The following PTGIS variants were observed in gnomAD, a reference collection of about 807,000 sequenced individuals.
PTGIS encodes prostacyclin synthase.
Under a neutral mutation model 50.3 loss-of-function variants are expected in PTGIS, and 45 were observed. That is an observed-to-expected ratio of 0.90 (90% CI 0.70 to 1.15). The LOEUF (loss-of-function observed/expected upper bound fraction) is 1.15. PTGIS is among the 50% of genes most tolerant of loss of function. The pLI is 0.00. For missense variants in PTGIS, 668 were observed against 661.3 expected (o/e 1.01, Z -0.11); for synonymous variants, 260 against 267.7 (o/e 0.97, Z 0.28).
At chr20:49,566,087 G>A (rs187404819) in intron 1 of PTGIS, among the ~76,000 whole-genome samples, 3 of 152,210 alleles carry the variant, frequency 2.0e-5, no homozygotes, top group Non-Finnish European at 4.4e-5. Context: ...AAAATTAGCT[G>A]GGCATGGTGG....
intron 2 of PTGIS, 71 bp downstream of exon 2, chr20:49,549,995 G>T: frequency 6.2e-7 from 1 of 1,607,864 alleles, no homozygotes; most frequent in Non-Finnish European, 8.5e-7. Flanking sequence ...TATGTTGAAG[G>T]AATCAACAGA....
intron 4 of PTGIS, among the ~76,000 whole-genome samples, chr20:49,541,483 G>A (rs936815340): frequency 2.0e-5 from 3 of 152,266 alleles, no homozygotes; most frequent in African/African-American, 7.2e-5. Flanking sequence ...TGTAATCCTA[G>A]CACTTTGGGA....
chr20:49,523,977 A>T, intron 6 of PTGIS, 81 bp downstream of exon 6: 1 of 1,536,366 alleles, frequency 6.5e-7, no homozygotes, highest in Non-Finnish European at 8.9e-7. Flanking sequence ...GCACAGGTGC[A>T]CAGACATGCA....
intron 6 of PTGIS, among the ~76,000 whole-genome samples, chr20:49,523,172 G>C (rs2122853684): frequency 6.6e-6 from 1 of 152,314 alleles, no homozygotes; most frequent in South Asian, 2.1e-4. Flanking sequence ...TTGTTTATTA[G>C]ATAATGATCA....
chr20:49,550,313 C>T, intron 1 of PTGIS, 124 bp from the exon 2 acceptor site: 1 of 1,269,466 alleles, frequency 7.9e-7, no homozygotes, highest in Non-Finnish European at 1.1e-6. Flanking sequence ...CACTCGGGGA[C>T]TATTGCCTCA....
chr20:49,524,818 A>G lies in PTGIS; in HGVS notation c.674-579T>C, dbSNP rs145629477. On this transcript the variant is annotated intron_variant, in intron 5 of 9. Coordinates refer to ENST00000244043, the MANE Select transcript of PTGIS (RefSeq NM_000961.4). ...ACTACAAGGAGAACAGTATGGGGGA[A>G]ACCACCCCCATGATTCAGTTATCTC... Among the ~76,000 whole-genome samples the G allele has an allele frequency of 5.9e-3, 896 of 152,288 alleles. 8 individuals carry two copies. Among genetic ancestry groups the G allele is most frequent in the African/African-American group, 0.02 (845 of 41,554 alleles).
At chr20:49,550,649 T>C (rs1469636469) in intron 1 of PTGIS, among the ~76,000 whole-genome samples, 8 of 152,214 alleles carry the variant, frequency 5.3e-5, no homozygotes, top group African/African-American at 1.4e-4. Flanking sequence ...TCTGTCTTCA[T>C]TGGTCAAACC....
At chr20:49,565,196 T>C (rs1030895699) in intron 1 of PTGIS, among the ~76,000 whole-genome samples, 4 of 151,824 alleles carry the variant, frequency 2.6e-5, no homozygotes, top group African/African-American at 9.7e-5. Flanking sequence ...TTAGCCAGAA[T>C]GGTCTCGATC....
intron 5 of PTGIS, among the ~76,000 whole-genome samples, chr20:49,536,981 G>A (rs918374992): frequency 3.9e-5 from 6 of 152,180 alleles, no homozygotes; most frequent in Non-Finnish European, 8.8e-5. Flanking sequence ...TCCCTCCAGA[G>A]AAAGGAACTG....
At chr20:49,518,357 A>C (rs1349307251) in intron 6 of PTGIS, among the ~76,000 whole-genome samples, 1 of 152,240 alleles carries the variant, frequency 6.6e-6, no homozygotes, top group African/African-American at 2.4e-5. Context: ...TGTGAACCTA[A>C]ATCTGCTGTA....
At chr20:49,534,497 T>C (rs1364312527) in intron 5 of PTGIS, among the ~76,000 whole-genome samples, 1 of 152,126 alleles carries the variant, frequency 6.6e-6, no homozygotes, top group Non-Finnish European at 1.5e-5. Context: ...GGGGAGTTCC[T>C]CTGCGTCTAA....
chr20:49,567,181 A>G (rs771516243), intron 1 of PTGIS, among the ~76,000 whole-genome samples: 5 of 152,206 alleles, frequency 3.3e-5, no homozygotes, highest in Non-Finnish European at 7.3e-5. Context: ...AGTCGAATGT[A>G]TTCAGCTATT....
chr20:49,507,409 G>T lies in PTGIS; in HGVS notation c.*511C>A, dbSNP rs1161276856. ...GGCCCCAGGGAAGCAGATCTTCTAA[G>T]GGACTCCTTTGGTTTTAGCTAGTTT... On this transcript the variant is annotated 3_prime_UTR_variant, in exon 10 of 10. Transcript: ENST00000244043. 1 of 214,630 alleles carries T rather than the reference G, an allele frequency of 4.7e-6. No individual in the cohort carries two copies. The highest frequency in any genetic ancestry group is 9.4e-6 in the Non-Finnish European group (1 of 106,050). 13.3% of individuals were successfully genotyped at this position (214,630 alleles called of 1,614,324 possible). A position where few individuals can be genotyped will look rare whatever the true frequency, so the allele number is the denominator to read the frequency against.
intron 1 of PTGIS, among the ~76,000 whole-genome samples, chr20:49,566,806 G>A (rs139312473): frequency 1.9e-4 from 29 of 152,256 alleles, no homozygotes; most frequent in African/African-American, 6.3e-4. Flanking sequence ...ACTTGGGGCC[G>A]GATCCTGGAA....
intron 5 of PTGIS, among the ~76,000 whole-genome samples, chr20:49,537,496 T>C (rs1982109777): frequency 6.6e-6 from 1 of 152,242 alleles, no homozygotes; most frequent in Non-Finnish European, 1.5e-5. Context: ...GGCTCATGCC[T>C]GTAATCCCAA....
At position 49,507,787 on chromosome 20, in the gene PTGIS, T is replaced by C. The variant is rs1981192974; in HGVS notation, c.*133A>G. 1.6e-6 allele frequency: 2 copies of C among 1,254,542 alleles called. No individual in the cohort carries two copies. Among genetic ancestry groups the C allele is most frequent in the Non-Finnish European group, 2.2e-6 (2 of 889,012 alleles). 77.7% of individuals were successfully genotyped at this position (1,254,542 alleles called of 1,614,324 possible). ...TTTCCCTCCCCTGGACCCAGCCTTC[T>C]GGGAGAAAAGCAGGGAAGTGGTAAT... is the stretch of plus-strand genomic sequence containing the variant. On this transcript the variant is annotated 3_prime_UTR_variant, in exon 10 of 10. Coordinates refer to ENST00000244043, the MANE Select transcript of PTGIS (RefSeq NM_000961.4).
At chr20:49,532,759 C>A (rs1310028980) in intron 5 of PTGIS, among the ~76,000 whole-genome samples, 1 of 152,178 alleles carries the variant, frequency 6.6e-6, no homozygotes, top group Non-Finnish European at 1.5e-5. Flanking sequence ...CAGCTCTTCC[C>A]TTTCTAACGA....
chr20:49,511,531 G>A (rs2122837658), intron 8 of PTGIS, among the ~76,000 whole-genome samples: 1 of 152,284 alleles, frequency 6.6e-6, no homozygotes, highest in African/African-American at 2.4e-5. Flanking sequence ...CTTGGTCAGA[G>A]AACTCTGTAG....
At chr20:49,547,757 G>T in intron 3 of PTGIS, 84 bp downstream of exon 3, 1 of 1,469,306 alleles carries the variant, frequency 6.8e-7, no homozygotes, top group Non-Finnish European at 9.5e-7. Context: ...CATTTGCTTT[G>T]GAACCAAGAA....
Sources: allele counts gnomAD v4.1 joint callset (sites outside exome capture counted in the v4.1 genomes callset), GRCh38; gene constraint gnomAD v4.1.1; transcripts MANE v1.5; gene names NCBI Gene and HGNC (gene_info 2026-07-23, HGNC 2026-07-21).